The following CASP1 variants were observed in gnomAD, a reference collection of about 807,000 sequenced individuals.
CASP1 encodes caspase 1, also known as caspase-1.
In CASP1, 31 loss-of-function variants were observed where a neutral mutation model predicts 41.2. The observed-to-expected ratio is 0.75, with a 90% CI of 0.57 to 1.02. The LOEUF is 1.02. CASP1 is among the 50% of genes least tolerant of loss of function. The probability of loss-of-function intolerance (pLI) is 0.00; values close to 1 mark genes in which losing one functional copy is unlikely to be tolerated. For synonymous variants in CASP1, 163 were observed against 166.5 expected (o/e 0.98, Z 0.16); for missense variants, 490 against 495.7 (o/e 0.99, Z 0.11).
rs769083128 is a variant in CASP1, at chr11:105,029,648, A to G, written c.862+17T>C. The G allele has an allele frequency of 1.2e-5, 19 of 1,569,156 alleles. No homozygotes were observed. The Admixed American group carries it at 3.2e-4, about 26-fold the overall frequency. On this transcript the variant is annotated intron_variant, in intron 6 of 8. Coordinates refer to ENST00000533400, the MANE Select transcript of CASP1 (RefSeq NM_001257118.3). The stretch of plus-strand genomic sequence containing the variant: ...AGTATTTGATTGTCTGGTGTTCTCA[A>G]AGGCATCAGCACTCACCACCACGGC...
In CASP1 at chr11:105,030,689, G is replaced by A. The variant is rs923249172; in HGVS notation, c.454-186C>T. On this transcript the variant is annotated intron_variant, in intron 4 of 8. Coordinates refer to ENST00000533400, the MANE Select transcript of CASP1 (RefSeq NM_001257118.3). ...TATGCATGGACATTGCAAATGCCCAGATGGCAGCTGAGCTTCTGACTTCGT... is the reference window on the plus strand; with the variant it reads ...TATGCATGGACATTGCAAATGCCCAAATGGCAGCTGAGCTTCTGACTTCGT... 5.9e-6 allele frequency: 3 copies of A among 509,930 alleles called. No individual in the cohort carries two copies. The South Asian group carries it at 9.9e-5, about 17-fold the overall frequency. 31.6% of individuals were successfully genotyped at this position (509,930 alleles called of 1,614,324 possible).
upstream of CASP1, among the ~76,000 whole-genome samples, chr11:105,036,394 T>C (rs1424104457): frequency 3.9e-5 from 6 of 152,076 alleles, no homozygotes; most frequent in Admixed American, 3.3e-4. Context: ...AAGACAAACA[T>C]GAAGGCTGGT....
chr11:105,028,191 A>G (rs947624913), intron 7 of CASP1, among the ~76,000 whole-genome samples: 2 of 152,120 alleles, frequency 1.3e-5, no homozygotes, highest in African/African-American at 4.8e-5. Flanking sequence ...TGAGTTCTAC[A>G]TCAGGGCATG....
At chr11:105,035,455 G>C (rs560806044), upstream of CASP1, among the ~76,000 whole-genome samples, 73 of 152,252 alleles carry the variant, frequency 4.8e-4, no homozygotes, top group African/African-American at 1.7e-3. Flanking sequence ...TTTGGAGTAT[G>C]TGAACCACTG....
chr11:105,030,781 CTGAT>C (rs1490078679), intron 4 of CASP1: 7 of 410,556 alleles, frequency 1.7e-5, no homozygotes, highest in East Asian at 1.3e-4. Flanking sequence ...AATTCTAAAA[CTGAT>C]TGTTCCAATT....
upstream of CASP1, among the ~76,000 whole-genome samples, chr11:105,035,425 C>T (rs1306915342): frequency 2.0e-5 from 3 of 151,986 alleles, no homozygotes; most frequent in Non-Finnish European, 2.9e-5. Flanking sequence ...GAAAGCTTGA[C>T]GGAGAAAAGT....
rs1387514535 is a variant in CASP1 at position 105,033,812 on chromosome 11, A to G, written c.274+396T>C. The G allele has an allele frequency of 6.1e-6, 3 of 495,024 alleles. No homozygotes were observed. The East Asian group carries it at 1.5e-4, about 25-fold the overall frequency. 30.7% of individuals were successfully genotyped at this position (495,024 alleles called of 1,614,324 possible). The stretch of plus-strand genomic sequence containing the variant: ...AAAGTTATAAAAAGTATTTGATTAT[A>G]AACCTTAAAGCTTCATGTGACTTTA... On this transcript the variant is annotated intron_variant, in intron 2 of 8. Transcript: ENST00000533400.
In CASP1 at chr11:105,029,957, G is replaced by C. The variant is rs548263477; in HGVS notation, c.628-58C>G. 1.1e-4 allele frequency: 143 copies of C among 1,250,022 alleles called. 2 individuals carry two copies. The highest frequency in any genetic ancestry group is 7.2e-4 in the East Asian group (31 of 42,970). The allele number at this position is 1,250,022 out of a possible 1,614,324, so 77.4% of individuals were successfully genotyped here. A position where few individuals can be genotyped will look rare whatever the true frequency, so the allele number is the denominator to read the frequency against. On this transcript the variant is annotated intron_variant, in intron 5 of 8. Transcript: ENST00000533400. ...TGTAATTAACTATCATGGTACCTTGGAAAGTCAATAAATAAATACTTAAGG... is the reference window on the plus strand; with the variant it reads ...TGTAATTAACTATCATGGTACCTTGCAAAGTCAATAAATAAATACTTAAGG...
chr11:105,029,824 T>C lies in CASP1; in HGVS notation c.703A>G (p.Met235Val), dbSNP rs370041750. Reference protein sequence around the residue: ...KTSDSTFLVFMSHGIREGICG... With the variant: ...KTSDSTFLVFVSHGIREGICG... ...ATGCCTTCCCGAATACCATGAGACA[T>C]GAACACCAGGAACGTGCTGTCAGAG... Residue 235 changes from methionine (M) to valine (V), a missense_variant, in exon 6 of 9, where the codon ATG (methionine) becomes GTG (valine). Coordinates refer to ENST00000533400, the MANE Select transcript of CASP1 (RefSeq NM_001257118.3). 6 of 1,613,788 alleles carry C rather than the reference T, an allele frequency of 3.7e-6. No homozygotes were observed. The South Asian group carries it at 6.6e-5, about 18-fold the overall frequency.
At chr11:105,029,988 C>A (rs527708384) in intron 5 of CASP1, 89 bp from the exon 6 acceptor site, 8 of 1,028,528 alleles carry the variant, frequency 7.8e-6, no homozygotes, top group Non-Finnish European at 1.0e-5. Flanking sequence ...TAAGGAGTTT[C>A]TTAAGGAATT....
chr11:105,029,547 T>TA, intron 6 of CASP1, 118 bp downstream of exon 6: 1 of 703,128 alleles, frequency 1.4e-6, no homozygotes, highest in Non-Finnish European at 2.4e-6. Context: ...TCTTGAATAC[T>TA]GACAGTATGT....
intron 4 of CASP1, 103 bp from the exon 5 acceptor site, chr11:105,030,606 C>A: frequency 1.1e-6 from 1 of 932,358 alleles, no homozygotes; most frequent in African/African-American, 1.6e-5. Flanking sequence ...ATCAAGATAC[C>A]AAACCCCATG....
Position 105,029,850 on chromosome 11 carries a change from G to T in CASP1, c.677C>A (p.Thr226Asn), listed in dbSNP as rs1321538742. The T allele has an allele frequency of 3.1e-6, 5 of 1,613,656 alleles. No individual in the cohort carries two copies. The highest frequency in any genetic ancestry group is 3.4e-6 in the Non-Finnish European group (4 of 1,179,758). ...EAFAHRPEHKTSDSTFLVFMS... is the reference protein window; with the variant it reads ...EAFAHRPEHKNSDSTFLVFMS... ...GAACACCAGGAACGTGCTGTCAGAG[G>T]TCTTGTGCTCTGGGCGGTGTGCAAA... Residue 226 changes from threonine to asparagine, a missense_variant, in exon 6 of 9, where the codon ACC becomes AAC. Thr to Asn is a moderately conservative substitution (Grantham distance 65). Transcript: ENST00000533400.
rs774595678 is a variant in CASP1 at position 105,034,445 on chromosome 11, A to G, written c.37T>C (p.Phe13Leu). ...DKVLKEKRKL[F>L]IRSMGEGTIN... ...GTACCTTCACCCATGGAACGGATAAACAGCTTTCTCTTCTCCTTCAGGACC... is the reference window on the plus strand; with the variant it reads ...GTACCTTCACCCATGGAACGGATAAGCAGCTTTCTCTTCTCCTTCAGGACC... The change falls in exon 2 of 9, where the codon TTT (phenylalanine) becomes CTT (leucine). Residue 13 changes from phenylalanine to leucine, a missense_variant. Transcript: ENST00000533400. 1.2e-6 allele frequency: 2 copies of G among 1,614,132 alleles called. No individual in the cohort carries two copies. Among genetic ancestry groups the G allele is most frequent in the South Asian group, 2.2e-5 (2 of 91,082 alleles).
At chr11:105,031,361 G>A in intron 3 of CASP1, 81 bp from the exon 4 acceptor site, 1 of 725,262 alleles carries the variant, frequency 1.4e-6, no homozygotes, top group Non-Finnish European at 2.4e-6. Flanking sequence ...ACCTATGGAT[G>A]AAGCCACAGA....
rs766874986 is a variant in CASP1 at position 105,026,378 on chromosome 11, G to A, written c.1117-22C>T. On this transcript the variant is annotated intron_variant, in intron 8 of 8. Coordinates refer to ENST00000533400, the MANE Select transcript of CASP1 (RefSeq NM_001257118.3). ...GAACCTAAAAGAGTAAGGAAAGTCT[G>A]TAGCCCTTTTTTTTGCTGAGTTTTT... 9.4e-6 allele frequency: 14 copies of A among 1,494,422 alleles called. No individual in the cohort carries two copies. In the South Asian group the frequency reaches 1.6e-4, roughly 17 times the overall value. 92.6% of individuals were successfully genotyped at this position (1,494,422 alleles called of 1,614,324 possible). A position where few individuals can be genotyped will look rare whatever the true frequency, so the allele number is the denominator to read the frequency against.
chr11:105,031,139 C>T, intron 4 of CASP1, 26 bp downstream of exon 4: 2 of 1,344,040 alleles, frequency 1.5e-6, no homozygotes, highest in Non-Finnish European at 2.1e-6. Context: ...TCACCCCACT[C>T]TATCCTTGGG....
intron 6 of CASP1, 25 bp from the exon 7 acceptor site, chr11:105,029,292 T>C: frequency 1.2e-6 from 2 of 1,601,664 alleles, no homozygotes; most frequent in Non-Finnish European, 8.5e-7. Flanking sequence ...TTTGATTTGT[T>C]ACTACTACCA....
In CASP1 at chr11:105,030,377, G is replaced by A; in HGVS notation, c.580C>T (p.Gln194Ter). 1 of 1,613,540 alleles carries A rather than the reference G, an allele frequency of 6.2e-7. No individual in the cohort carries two copies. The highest frequency in any genetic ancestry group is 8.5e-7 in the Non-Finnish European group (1 of 1,179,660). Residue 194 changes from glutamine to a stop codon, truncating the protein, a stop_gained, in exon 5 of 9, where the codon CAA becomes TAA. Transcript: ENST00000533400. LOFTEE classifies it high-confidence loss of function. ...VDITGMTMLL[Q>*]NLGYSVDVKK... The stretch of plus-strand genomic sequence containing the variant: ...ACATCTACGCTGTACCCCAGATTTT[G>A]TAGCAGCATTGTCATGCCTGTGATG...
Sources: allele counts gnomAD v4.1 joint callset (sites outside exome capture counted in the v4.1 genomes callset), GRCh38; gene constraint gnomAD v4.1.1; transcripts MANE v1.5; gene names NCBI Gene and HGNC (gene_info 2026-07-23, HGNC 2026-07-21).